Variants in SCML1 observed in about 807,000 individuals in gnomAD.
SCML1 encodes the protein sex comb on midleg-like protein 1.
For synonymous variants in SCML1, 104 were observed against 103.6 expected, an observed-to-expected ratio of 1.00 and a Z score of -0.02; for missense variants, 137 against 258.1, an observed-to-expected ratio of 0.53 and a Z score of 3.22.
At chrX:17,740,272 G>T (rs1450757244) in intron 1 of SCML1, among the ~76,000 whole-genome samples, 5 of 111,484 alleles carry the variant, frequency 4.5e-5, no homozygotes. Context: ...ATCATACCCT[G>T]GTACCTAAAA....
rs778125214 is a variant in SCML1 at position 17,747,627 on chromosome X, G to A, written c.198+1529G>A. Among the ~76,000 whole-genome samples, 41 of 111,786 alleles carry A rather than the reference G, an allele frequency of 3.7e-4. 1 individual carries two copies. Among genetic ancestry groups the A allele is most frequent in the Admixed American group, 1.9e-3 (20 of 10,593 alleles). On this transcript the variant is annotated intron_variant, in intron 4 of 7. Coordinates refer to ENST00000380041, the MANE Select transcript of SCML1 (RefSeq NM_001037540.3). ...CCTCACCTCCTCTGAAAAGGTCTCC[G>A]TGACTGCAGCCTGGGTTAGGACTGC...
chrX:17,742,565 T>G (rs1002081433), intron 1 of SCML1, among the ~76,000 whole-genome samples: 2 of 112,236 alleles, frequency 1.8e-5, no homozygotes, highest in Non-Finnish European at 3.8e-5. Flanking sequence ...TAGTTTATTT[T>G]GGAACATCTG....
chrX:17,742,909 G>T (rs1320276598), intron 1 of SCML1, among the ~76,000 whole-genome samples: 2 of 111,963 alleles, frequency 1.8e-5, no homozygotes, highest in Non-Finnish European at 3.8e-5. Flanking sequence ...TATCAATTGA[G>T]TCATATACTG....
chrX:17,745,193 TA>T (rs1282944817), intron 2 of SCML1: 1 of 228,958 alleles, frequency 4.4e-6, no homozygotes, highest in African/African-American at 2.9e-5. Context: ...TTTCTGGTGC[TA>T]AAGGACTAGT....
Position 17,751,746 on chromosome X carries a change from C to T in SCML1, c.704-69C>T, listed in dbSNP as rs1390587822. On this transcript the variant is annotated intron_variant, in intron 6 of 7. Transcript: ENST00000380041. ...GAGCATTCCTCCTTACCTAACATCT[C>T]TTCTTTCAGGATAATGATCAGGTCG... The T allele has an allele frequency of 3.7e-6, 4 of 1,086,466 alleles. No individual in the cohort carries two copies. The African/African-American group carries it at 7.3e-5, about 20-fold the overall frequency. 89.5% of individuals were successfully genotyped at this position (1,086,466 alleles called of 1,213,427 possible).
At chrX:17,743,367 C>T (rs191583294) in intron 1 of SCML1, among the ~76,000 whole-genome samples, 44 of 111,539 alleles carry the variant, frequency 3.9e-4, no homozygotes, top group African/African-American at 1.2e-3. Context: ...CTTTCATTAA[C>T]GTACCCTTCC....
chrX:17,747,820 T>G lies in SCML1; in HGVS notation c.199-1580T>G, dbSNP rs746567644. ...AAGGTTCTCGTCCTCGAGAGAACCC[T>G]GAGAGAGCTTTTCATCCTGATTCCC... is the stretch of plus-strand genomic sequence containing the variant. On this transcript the variant is annotated intron_variant, in intron 4 of 7. Coordinates refer to ENST00000380041, the MANE Select transcript of SCML1 (RefSeq NM_001037540.3). Among the ~76,000 whole-genome samples, 4 of 112,180 alleles carry G rather than the reference T, an allele frequency of 3.6e-5. No individual in the cohort carries two copies. The South Asian group carries it at 1.5e-3, about 42-fold the overall frequency.
chrX:17,742,268 A>G (rs748970559), intron 1 of SCML1, among the ~76,000 whole-genome samples: 4 of 112,236 alleles, frequency 3.6e-5, no homozygotes, highest in Non-Finnish European at 7.5e-5. Flanking sequence ...TAATGTAGCA[A>G]TACAACACTG....
At chrX:17,750,318 AT>A in intron 6 of SCML1, 25 bp downstream of exon 6, 9 of 1,177,099 alleles carry the variant, frequency 7.6e-6, no homozygotes, top group Non-Finnish European at 1.0e-5. Context: ...GGAGAGCCCA[AT>A]TTGGTACATG....
intron 1 of SCML1, among the ~76,000 whole-genome samples, chrX:17,738,596 A>G (rs1279391855): frequency 9.0e-6 from 1 of 111,131 alleles, no homozygotes; most frequent in African/African-American, 3.3e-5. Context: ...TAAAACAAAC[A>G]GAGCGTTTTG....
intron 1 of SCML1, among the ~76,000 whole-genome samples, chrX:17,742,641 C>A (rs745363406): frequency 1.8e-5 from 2 of 112,238 alleles, no homozygotes; most frequent in Non-Finnish European, 3.8e-5. Flanking sequence ...GGAGACCTAT[C>A]CATTGTTTCT....
In SCML1 at chrX:17,740,826, G is replaced by T. The variant is rs905748914; in HGVS notation, c.-117+3146G>T. On this transcript the variant is annotated intron_variant, in intron 1 of 7. Coordinates refer to ENST00000380041, the MANE Select transcript of SCML1 (RefSeq NM_001037540.3). ...GGCGGAGACACAACAGGGTATTATGGACGGAGGGCATAACAGGAGCGAGAA... is the reference window on the plus strand; with the variant it reads ...GGCGGAGACACAACAGGGTATTATGTACGGAGGGCATAACAGGAGCGAGAA... 2.7e-5 allele frequency among the ~76,000 whole-genome samples: 3 copies of T among 112,363 alleles called. No homozygotes were observed. The South Asian group carries it at 1.1e-3, about 41-fold the overall frequency.
chrX:17,749,509 G>C lies in SCML1; in HGVS notation c.303+5G>C. 9.0e-7 allele frequency: 1 copy of C among 1,111,853 alleles called. No homozygotes were observed. Among genetic ancestry groups the C allele is most frequent in the Non-Finnish European group, 1.2e-6 (1 of 815,497 alleles). The allele number at this position is 1,111,853 out of a possible 1,213,427, so 91.6% of individuals were successfully genotyped here. On this transcript the variant is annotated splice_donor_5th_base_variant and intron_variant, in intron 5 of 7. Transcript: ENST00000380041. ...AGATCCCTGTGGACAAATCATGTAAGTGTTATAAAAAACATTTTTACAACT... is the reference window on the plus strand; with the variant it reads ...AGATCCCTGTGGACAAATCATGTAACTGTTATAAAAAACATTTTTACAACT...
chrX:17,738,030 T>TA (rs1314100782), intron 1 of SCML1: 28 of 112,640 alleles, frequency 2.5e-4, no homozygotes, highest in Admixed American at 1.8e-3. Flanking sequence ...GCTTTGAGTT[T>TA]AAAGAATTGA....
chrX:17,744,463 A>C, intron 2 of SCML1: 1 of 273,469 alleles, frequency 3.7e-6, no homozygotes, highest in Non-Finnish European at 6.4e-6. Context: ...GTTCATGTGA[A>C]TTTAACTCTG....
chrX:17,744,022 A>T (rs1327303057), intron 1 of SCML1, 49 bp from the exon 2 acceptor site: 1 of 404,766 alleles, frequency 2.5e-6, no homozygotes, highest in African/African-American at 2.6e-5. Flanking sequence ...TATCCATATT[A>T]TTAAGGTAGT....
At chrX:17,749,853 T>G (rs374498303) in intron 5 of SCML1, 41 bp from the exon 6 acceptor site, 130 of 1,131,164 alleles carry the variant, frequency 1.1e-4, no homozygotes, top group Non-Finnish European at 1.4e-4. Flanking sequence ...TATTTACTTT[T>G]TTACTCACTG....
intron 4 of SCML1, among the ~76,000 whole-genome samples, chrX:17,748,755 T>C (rs918676020): frequency 7.1e-5 from 8 of 112,143 alleles, no homozygotes; most frequent in African/African-American, 2.6e-4. Context: ...TTTGCTTAAG[T>C]GTATTTTTCT....
intron 7 of SCML1, among the ~76,000 whole-genome samples, chrX:17,752,269 G>A (rs1355865186): frequency 9.0e-6 from 1 of 110,999 alleles, no homozygotes; most frequent in East Asian, 2.8e-4. Flanking sequence ...CCCCCTATCT[G>A]CTCCCAGCTG....
Sources: gnomAD v4.1 joint callset for allele counts (sites outside exome capture counted in the v4.1 genomes callset) on GRCh38, gnomAD v4.1.1 for gene constraint, MANE v1.5 for transcripts, NCBI Gene and HGNC (gene_info 2026-07-23, HGNC 2026-07-21) for gene names.